The following CRB1 variants were observed in gnomAD, a reference collection of about 807,000 sequenced individuals.
CRB1 encodes crumbs cell polarity complex component 1.
CRB1 carries 83 observed loss-of-function variants against 120.0 expected under a neutral mutation model. That is an observed-to-expected ratio of 0.69 (90% CI 0.58 to 0.83). The LOEUF is 0.83. Among genes scored for constraint, CRB1 ranks in the 40% least tolerant of loss-of-function variants. The probability of loss-of-function intolerance (pLI) is 0.00; values close to 1 mark genes in which losing one functional copy is unlikely to be tolerated. For synonymous variants in CRB1, 625 were observed against 612.5 expected (o/e 1.02, Z -0.30); for missense variants, 1,699 against 1,687.6 (o/e 1.01, Z -0.12).
rs1224142330 is a variant in CRB1 at position 197,453,846 on chromosome 1, T to TA, written c.4005+11554_4005+11555insA. Among the ~76,000 whole-genome samples, 33 of 140,592 alleles carry TA rather than the reference T, an allele frequency of 2.3e-4. No individual in the cohort carries two copies. The East Asian group carries it at 6.0e-3, about 25-fold the overall frequency. The allele number at this position is 140,592 out of a possible 152,430, so 92.2% of individuals were successfully genotyped here. ...ATTAATTATTAATATATTATCAATA[T>TA]TATTATTAATATATATTAATATTAT... On this transcript the variant is annotated intron_variant, in intron 11 of 11. Transcript: ENST00000367400.
chr1:197,307,484 G>A (rs1657241046), intron 1 of CRB1, among the ~76,000 whole-genome samples: 1 of 152,182 alleles, frequency 6.6e-6, no homozygotes, highest in Non-Finnish European at 1.5e-5. Context: ...TGAGGTCTGA[G>A]TCTAAAGAGG....
the CRB1 span, among the ~76,000 whole-genome samples, chr1:197,248,671 G>T: frequency 6.6e-6 from 1 of 151,924 alleles, no homozygotes; most frequent in Admixed American, 6.6e-5. Context: ...AATGAATCAG[G>T]TCATGATTAA....
At chr1:197,471,174 A>G (rs753253224) in intron 11 of CRB1, among the ~76,000 whole-genome samples, 6 of 152,128 alleles carry the variant, frequency 3.9e-5, no homozygotes, top group Non-Finnish European at 7.4e-5. Flanking sequence ...GGTTCCCTGG[A>G]CGGTCCCATC....
intron 5 of CRB1, among the ~76,000 whole-genome samples, chr1:197,412,848 T>C (rs1484749401): frequency 6.6e-6 from 1 of 152,244 alleles, no homozygotes; most frequent in African/African-American, 2.4e-5. Flanking sequence ...CATGCACTAT[T>C]GCAATGTCTC....
chr1:197,302,444 C>A lies in CRB1; in HGVS notation c.71-25978C>A, dbSNP rs1210294175. Among the ~76,000 whole-genome samples, 11 of 152,194 alleles carry A rather than the reference C, an allele frequency of 7.2e-5. No individual in the cohort carries two copies. In the East Asian group the frequency reaches 1.7e-3, roughly 24 times the overall value. ...TTGATATTTGCTTTATTACAGTAGT[C>A]TGGAACTGAACCTACAATATCTCTG... On this transcript the variant is annotated intron_variant, in intron 1 of 11. Coordinates refer to ENST00000367400, the MANE Select transcript of CRB1 (RefSeq NM_201253.3).
the CRB1 span, among the ~76,000 whole-genome samples, chr1:197,208,980 T>A: frequency 6.6e-6 from 1 of 152,100 alleles, no homozygotes; most frequent in Non-Finnish European, 1.5e-5. Context: ...CTGCCTCTGC[T>A]GCATGTAGGT....
upstream of CRB1, among the ~76,000 whole-genome samples, chr1:197,264,109 T>C (rs1413081564): frequency 2.0e-5 from 3 of 152,204 alleles, no homozygotes; most frequent in East Asian, 5.8e-4. Context: ...TAACTTGTCA[T>C]CATCTATCCC....
At chr1:197,432,976 G>C (rs1664945419) in intron 8 of CRB1, among the ~76,000 whole-genome samples, 1 of 152,002 alleles carries the variant, frequency 6.6e-6, no homozygotes, top group Non-Finnish European at 1.5e-5. Flanking sequence ...GCTGTGGCCT[G>C]TGAATGAATT....
intron 6 of CRB1, among the ~76,000 whole-genome samples, chr1:197,426,186 T>C (rs1437895172): frequency 6.6e-6 from 1 of 152,000 alleles, no homozygotes; most frequent in Non-Finnish European, 1.5e-5. Flanking sequence ...AAAATTCTGT[T>C]GTATCTACCT....
chr1:197,429,357 C>T, intron 7 of CRB1, 92 bp from the exon 8 acceptor site: 1 of 1,479,064 alleles, frequency 6.8e-7, no homozygotes, highest in Non-Finnish European at 9.4e-7. Context: ...GGGAAATTAG[C>T]ATTTTAAAAA....
intron 11 of CRB1, among the ~76,000 whole-genome samples, chr1:197,456,403 G>T (rs545518502): frequency 6.6e-6 from 1 of 152,144 alleles, no homozygotes; most frequent in South Asian, 2.1e-4. Context: ...GTTTTTGTGT[G>T]TGTGAATGTT....
intron 8 of CRB1, among the ~76,000 whole-genome samples, chr1:197,434,214 C>T (rs752858275): frequency 6.6e-6 from 1 of 152,130 alleles, no homozygotes; most frequent in Non-Finnish European, 1.5e-5. Context: ...GCCTACTCAT[C>T]AGCTTAATCA....
At chr1:197,427,359 G>A (rs992330440) in intron 6 of CRB1, 95 bp from the exon 7 acceptor site, 2 of 961,638 alleles carry the variant, frequency 2.1e-6, no homozygotes, top group Non-Finnish European at 3.3e-6. Context: ...ATGTGTGTGT[G>A]TGAAATGTAT....
intron 1 of CRB1, among the ~76,000 whole-genome samples, chr1:197,302,723 T>C (rs566396613): frequency 6.6e-6 from 1 of 152,242 alleles, no homozygotes; most frequent in South Asian, 2.1e-4. Context: ...TGAAAGAATA[T>C]AAGACAAGAT....
At chr1:197,249,956 T>C in the CRB1 span, among the ~76,000 whole-genome samples, 10 of 152,166 alleles carry the variant, frequency 6.6e-5, no homozygotes, top group Admixed American at 2.0e-4. Flanking sequence ...GGAAGGTTTA[T>C]GGCTAAGATA....
chr1:197,421,298 C>T lies in CRB1; in HGVS notation c.1470C>T (p.Gly490=), dbSNP rs35193230. The change falls in exon 6 of 12, where the codon GGC becomes GGT. Residue 490 remains glycine, a synonymous_variant. Coordinates refer to ENST00000367400, the MANE Select transcript of CRB1 (RefSeq NM_201253.3). Reference sequence around the variant, plus strand: ...TCGCAACCACACTTTCATTTGAGGGCGATGGCTTCCTGTGGGTCAAAAGTG... The same window carrying T: ...TCGCAACCACACTTTCATTTGAGGGTGATGGCTTCCTGTGGGTCAAAAGTG... ...CEIATTLSFE[G]DGFLWVKSGS... The T allele has an allele frequency of 6.1e-4, 984 of 1,614,180 alleles. 5 individuals are homozygous for T. The African/African-American group carries it at 8.9e-3, about 15-fold the overall frequency.
At chr1:197,409,989 G>A (rs1663620812) in intron 5 of CRB1, among the ~76,000 whole-genome samples, 1 of 152,094 alleles carries the variant, frequency 6.6e-6, no homozygotes, top group African/African-American at 2.4e-5. Flanking sequence ...GTTTCACCGT[G>A]TTAGCCAGAA....
intron 1 of CRB1, among the ~76,000 whole-genome samples, chr1:197,282,658 C>T (rs1175194606): frequency 1.3e-5 from 2 of 151,722 alleles, no homozygotes; most frequent in African/African-American, 2.4e-5. Flanking sequence ...TCTTAAGAAA[C>T]GCACACATAT....
At chr1:197,322,344 T>C (rs1658247030) in intron 1 of CRB1, among the ~76,000 whole-genome samples, 1 of 151,836 alleles carries the variant, frequency 6.6e-6, no homozygotes, top group South Asian at 2.1e-4. Context: ...ATCCCTGGAA[T>C]CCCAGCTACT....
Sources: gnomAD v4.1 joint callset for allele counts (sites outside exome capture counted in the v4.1 genomes callset) on GRCh38, gnomAD v4.1.1 for gene constraint, MANE v1.5 for transcripts, NCBI Gene and HGNC (gene_info 2026-07-23, HGNC 2026-07-21) for gene names.